Variants in PATJ observed in about 807,000 individuals in gnomAD.
The protein encoded by PATJ is PATJ crumbs cell polarity complex component, also known as inaD-like protein.
PATJ carries 190 observed loss-of-function variants against 224.9 expected under a neutral mutation model. The ratio of observed to expected loss-of-function variants is 0.84; its 90% CI spans 0.75 to 0.95. The LOEUF is 0.95. Among genes scored for constraint, PATJ ranks in the 40% least tolerant of loss-of-function variants. The pLI, the probability that PATJ is intolerant of heterozygous loss-of-function variation, is 0.00. For missense variants in PATJ, 2,121 were observed against 2,270.3 expected, an observed-to-expected ratio of 0.93 and a Z score of 1.34; for synonymous variants, 769 against 820.3, an observed-to-expected ratio of 0.94 and a Z score of 1.07.
intron 35 of PATJ, 114 bp from the exon 36 acceptor site, chr1:62,116,418 C>A: frequency 1.6e-6 from 2 of 1,283,482 alleles, no homozygotes; most frequent in Non-Finnish European, 2.1e-6. Flanking sequence ...AAAAAGAAAA[C>A]AAAACTGGAA....
intron 34 of PATJ, among the ~76,000 whole-genome samples, chr1:62,109,293 A>T (rs990300597): frequency 5.3e-5 from 8 of 152,122 alleles, no homozygotes; most frequent in Non-Finnish European, 1.2e-4. Context: ...TGCAACTTTA[A>T]TATAGCACTT....
chr1:61,749,540 A>G (rs1445461584), intron 1 of PATJ, among the ~76,000 whole-genome samples: 1 of 152,202 alleles, frequency 6.6e-6, no homozygotes, highest in Non-Finnish European at 1.5e-5. Flanking sequence ...AGTGACCAAT[A>G]GGAAATGATC....
intron 27 of PATJ, among the ~76,000 whole-genome samples, chr1:61,965,883 C>G (rs1275980869): frequency 6.6e-6 from 1 of 152,158 alleles, no homozygotes; most frequent in Admixed American, 6.5e-5. Context: ...ATTCAGGAAG[C>G]TGTTATTATT....
intron 13 of PATJ, 56 bp from the exon 14 acceptor site, chr1:61,808,415 TGTA>T (rs957346653): frequency 5.1e-6 from 5 of 982,180 alleles, no homozygotes; most frequent in East Asian, 2.4e-5. Flanking sequence ...TTTCAGAAAA[TGTA>T]GGAGGAAATA....
intron 1 of PATJ, among the ~76,000 whole-genome samples, chr1:61,751,585 G>A (rs1645332342): frequency 6.6e-6 from 1 of 152,024 alleles, no homozygotes; most frequent in Admixed American, 6.6e-5. Flanking sequence ...CAGCACTTTG[G>A]GAGGCCAAGG....
chr1:61,795,886 A>T (rs957583449), intron 10 of PATJ, among the ~76,000 whole-genome samples: 2 of 152,190 alleles, frequency 1.3e-5, no homozygotes, highest in African/African-American at 4.8e-5. Context: ...CATTTTATCT[A>T]TAATTAATAG....
At position 61,827,554 on chromosome 1, in the gene PATJ, C is replaced by T. The variant is rs563912135; in HGVS notation, c.1951C>T (p.Arg651Cys). Residue 651 changes from arginine to cysteine, a missense_variant, in exon 16 of 44, where the codon CGC (arginine) becomes TGC (cysteine). Physicochemically the swap from Arg to Cys is radical, Grantham distance 180 (BLOSUM62 -3). Transcript: ENST00000642238. ...DDEASVDEPR[R>C]TETSLPETEV... ...TGAAGCTTCTGTAGATGAACCAAGG[C>T]GCACTGAAACCTCTCTTCCTGAGAC... 38 of 1,613,890 alleles carry T rather than the reference C, an allele frequency of 2.4e-5. No individual in the cohort carries two copies. Among genetic ancestry groups the T allele is most frequent in the Middle Eastern group, 1.6e-4 (1 of 6,062 alleles).
intron 33 of PATJ, among the ~76,000 whole-genome samples, chr1:62,092,051 C>CA (rs574301543): frequency 4.2e-3 from 354 of 83,538 alleles, no homozygotes; most frequent in East Asian, 0.01. Flanking sequence ...GACCCTGTCT[C>CA]AAAAAAAAAA....
At chr1:62,073,213 T>C in intron 31 of PATJ, 1 of 985,032 alleles carries the variant, frequency 1.0e-6, no homozygotes, top group Non-Finnish European at 1.2e-6. Flanking sequence ...TGACAGGAGG[T>C]TGTGGAGTGT....
intron 28 of PATJ, among the ~76,000 whole-genome samples, chr1:62,008,201 C>A (rs1480232411): frequency 6.6e-6 from 1 of 152,114 alleles, no homozygotes; most frequent in Non-Finnish European, 1.5e-5. Flanking sequence ...TCAGCTGTGG[C>A]CTGGAGTGTC....
At chr1:61,974,603 A>G (rs1055766083) in intron 27 of PATJ, among the ~76,000 whole-genome samples, 4 of 151,804 alleles carry the variant, frequency 2.6e-5, no homozygotes, top group Admixed American at 1.3e-4. Flanking sequence ...ACTCTGTCTC[A>G]AAAAACAAAC....
intron 28 of PATJ, among the ~76,000 whole-genome samples, chr1:61,991,221 A>G (rs1645046080): frequency 6.6e-6 from 1 of 151,000 alleles, no homozygotes; most frequent in Admixed American, 6.6e-5. Context: ...TGATGATGAC[A>G]ATAACAGCTA....
intron 19 of PATJ, among the ~76,000 whole-genome samples, chr1:61,862,102 A>G (rs970087511): frequency 3.3e-5 from 5 of 152,064 alleles, no homozygotes; most frequent in African/African-American, 7.2e-5. Flanking sequence ...AGCTCAAGCA[A>G]TCTACCTGCC....
At chr1:61,890,391 A>C (rs1485138068) in intron 22 of PATJ, among the ~76,000 whole-genome samples, 1 of 152,082 alleles carries the variant, frequency 6.6e-6, no homozygotes. Context: ...AGGAGGGAGG[A>C]TCTCTTGAGC....
At chr1:61,910,136 A>G (rs1213690414) in intron 25 of PATJ, among the ~76,000 whole-genome samples, 4 of 152,212 alleles carry the variant, frequency 2.6e-5, no homozygotes, top group Admixed American at 2.0e-4. Context: ...AAAATTGGCC[A>G]GATTGTTCTT....
chr1:61,942,273 G>GA (rs1163533814), intron 27 of PATJ, among the ~76,000 whole-genome samples: 10 of 151,874 alleles, frequency 6.6e-5, no homozygotes, highest in Admixed American at 5.2e-4. Context: ...TTATTTGAAA[G>GA]AAAAAAAGCA....
intron 14 of PATJ, among the ~76,000 whole-genome samples, chr1:61,813,362 T>TATATATATAC (rs1655294518): frequency 2.2e-5 from 1 of 45,846 alleles, no homozygotes; most frequent in African/African-American, 9.0e-5. Context: ...TATATATATA[T>TATATATATAC]ATATATATAT....
At chr1:62,116,800 T>G in intron 36 of PATJ, 121 bp downstream of exon 36, 3 of 918,524 alleles carry the variant, frequency 3.3e-6, no homozygotes, top group Non-Finnish European at 4.8e-6. Flanking sequence ...TTACTAGAAA[T>G]TTAATCTCTG....
rs1658944814 is a variant in PATJ, at chr1:62,079,717, A to C, written c.4243+150A>C. ...CTTAGCTTTGGGGCTTGGATAGGTC[A>C]CTTCATTTCCTACATCATTTTTCCT... is the stretch of plus-strand genomic sequence containing the variant. On this transcript the variant is annotated intron_variant, in intron 32 of 43. Transcript: ENST00000642238. 10 of 634,596 alleles carry C rather than the reference A, an allele frequency of 1.6e-5. No individual in the cohort carries two copies. In the East Asian group the frequency reaches 2.7e-4, roughly 17 times the overall value. 39.3% of individuals were successfully genotyped at this position (634,596 alleles called of 1,614,324 possible).
Sources: gnomAD v4.1 joint callset for allele counts (sites outside exome capture counted in the v4.1 genomes callset) on GRCh38, gnomAD v4.1.1 for gene constraint, MANE v1.5 for transcripts, NCBI Gene and HGNC (gene_info 2026-07-23, HGNC 2026-07-21) for gene names.